Variants in DOC2A observed in about 807,000 individuals in gnomAD.
DOC2A encodes double C2-like domain-containing protein alpha.
A neutral mutation model predicts 40.6 loss-of-function variants in DOC2A; 28 were observed. The observed-to-expected ratio is 0.69, with a 90% CI of 0.51 to 0.95. The LOEUF is 0.95. Ranked by LOEUF, DOC2A falls within the 40% of genes least tolerant of loss-of-function variation. The pLI, the probability that DOC2A is intolerant of heterozygous loss-of-function variation, is 0.00. For synonymous variants in DOC2A, 241 were observed against 236.9 expected, an observed-to-expected ratio of 1.02 and a Z score of -0.16; for missense variants, 474 against 552.5, an observed-to-expected ratio of 0.86 and a Z score of 1.42.
At chr16:30,022,753 T>C (rs1157967634), upstream of DOC2A, among the ~76,000 whole-genome samples, 1 of 152,110 alleles carries the variant, frequency 6.6e-6, no homozygotes, top group Non-Finnish European at 1.5e-5. Flanking sequence ...CTGACCAACA[T>C]AGTGAAACCC....
At chr16:30,016,048 TATATA>T (rs1337323810), upstream of DOC2A, among the ~76,000 whole-genome samples, 421 of 26,588 alleles carry the variant, frequency 0.016, 1 homozygote, top group Non-Finnish European at 0.025. Flanking sequence ...TATATATATA[TATATA>T]TATTTTTTTT....
At position 30,009,665 on chromosome 16, in the gene DOC2A, G is replaced by C; in HGVS notation, c.263-108C>G. The C allele has an allele frequency of 1.8e-6, 2 of 1,107,438 alleles. No homozygotes were observed. The highest frequency in any genetic ancestry group is 2.7e-6 in the Non-Finnish European group (2 of 754,054). The allele number at this position is 1,107,438 out of a possible 1,614,324, so 68.6% of individuals were successfully genotyped here. ...GTCTCTCTCTCTTGCCAGCCCGCGA[G>C]TGTGAGTGCAAGAGGCTGAGTGGGC... is the stretch of plus-strand genomic sequence containing the variant. On this transcript the variant is annotated intron_variant, in intron 2 of 10. Coordinates refer to ENST00000350119, the MANE Select transcript of DOC2A (RefSeq NM_003586.3). The surrounding 1 kb of genome is among the most constrained non-coding windows in gnomAD (Gnocchi z 4.1).
chr16:30,013,883 G>A (rs1202236222), upstream of DOC2A, among the ~76,000 whole-genome samples: 1 of 151,974 alleles, frequency 6.6e-6, no homozygotes, highest in Non-Finnish European at 1.5e-5. Context: ...ACTTGGCTAA[G>A]TTTTTGTATT....
At chr16:30,015,947 A>G (rs2070849377), upstream of DOC2A, among the ~76,000 whole-genome samples, 1 of 140,506 alleles carries the variant, frequency 7.1e-6, no homozygotes, top group South Asian at 2.2e-4. Flanking sequence ...CCTGGCCTCA[A>G]GCCATCCTCC....
chr16:30,016,066 T>A (rs1215211426), upstream of DOC2A, among the ~76,000 whole-genome samples: 1 of 114,216 alleles, frequency 8.8e-6, no homozygotes, highest in Non-Finnish European at 1.7e-5. Flanking sequence ...TTTTTTTTTT[T>A]TTTTTTTTTT....
At chr16:30,016,037 ATATATATATATATATATATTTTTT>A (rs1218341890), upstream of DOC2A, among the ~76,000 whole-genome samples, 4 of 31,486 alleles carry the variant, frequency 1.3e-4, no homozygotes, top group African/African-American at 4.3e-4. Flanking sequence ...ATATATATAT[ATATATATATATATATATATTTTTT>A]TTTTTTTTTT....
In DOC2A at chr16:30,005,988, G is replaced by T; in HGVS notation, c.*198C>A. ...TTTGCATATTTGCAGGGACTAGCGA[G>T]TCAGGCAGGAGGTTTGCATATGTGA... On this transcript the variant is annotated 3_prime_UTR_variant, in exon 11 of 11. Coordinates refer to ENST00000350119, the MANE Select transcript of DOC2A (RefSeq NM_003586.3). 1 of 646,520 alleles carries T rather than the reference G, an allele frequency of 1.5e-6. No homozygotes were observed. Among genetic ancestry groups the T allele is most frequent in the Non-Finnish European group, 2.6e-6 (1 of 380,972 alleles). The allele number at this position is 646,520 out of a possible 1,614,324, so 40.0% of individuals were successfully genotyped here.
chr16:30,019,767 G>C (rs1019197652), intron 1 of DOC2A, among the ~76,000 whole-genome samples: 4 of 152,050 alleles, frequency 2.6e-5, no homozygotes, highest in Non-Finnish European at 5.9e-5. Flanking sequence ...ACAGAGTCTC[G>C]AGTGTCACCC....
Position 30,010,571 on chromosome 16 carries a change from C to T in DOC2A, c.-14+332G>A. 2.6e-6 allele frequency: 1 copy of T among 379,998 alleles called. No individual in the cohort carries two copies. Among genetic ancestry groups the T allele is most frequent in the South Asian group, 2.5e-5 (1 of 39,814 alleles). 23.5% of individuals were successfully genotyped at this position (379,998 alleles called of 1,614,324 possible). A position where few individuals can be genotyped will look rare whatever the true frequency, so the allele number is the denominator to read the frequency against. ...CCTCTGCTCCTGAGCCTGCCTGTCC[C>T]CCAAGGGGCCCTGCAGGGCCCCGCC... On this transcript the variant is annotated intron_variant, in intron 1 of 10. Transcript: ENST00000350119. This position sits in a 1 kb window ranked among gnomAD's most constrained non-coding sequence, Gnocchi z 4.2.
At position 30,010,200 on chromosome 16, in the gene DOC2A, C is replaced by T. The variant is rs771071631; in HGVS notation, c.23G>A (p.Arg8His). Residue 8 changes from arginine to histidine, a missense_variant, in exon 2 of 11, where the codon CGC becomes CAC. Physicochemically the swap from Arg to His is conservative, Grantham distance 29. Transcript: ENST00000350119. The surrounding 1 kb of genome is among the most constrained non-coding windows in gnomAD (Gnocchi z 4.2). ...GTGCTCCTGGATGTTGATGGTCATG[C>T]GATCGCCCCTGCGGCCCCTCATGCA... MRGRRGD[R>H]MTINIQEHMA... 69 of 1,613,818 alleles carry T rather than the reference C, an allele frequency of 4.3e-5. No individual in the cohort carries two copies. The highest frequency in any genetic ancestry group is 5.6e-5 in the Non-Finnish European group (66 of 1,179,970).
upstream of DOC2A, chr16:30,011,065 A>T: frequency 5.2e-6 from 5 of 956,892 alleles, no homozygotes; most frequent in Non-Finnish European, 6.2e-6. Context: ...GCGAGGATGC[A>T]GCCGGCGCGG....
At position 30,010,527 on chromosome 16, in the gene DOC2A, T is replaced by G; in HGVS notation, c.-13-292A>C. The G allele has an allele frequency of 2.1e-6, 1 of 476,928 alleles. No individual in the cohort carries two copies. The highest frequency in any genetic ancestry group is 3.9e-5 in the East Asian group (1 of 25,520). 29.5% of individuals were successfully genotyped at this position (476,928 alleles called of 1,614,324 possible). On this transcript the variant is annotated intron_variant, in intron 1 of 10. Coordinates refer to ENST00000350119, the MANE Select transcript of DOC2A (RefSeq NM_003586.3). The surrounding 1 kb of genome is among the most constrained non-coding windows in gnomAD (Gnocchi z 4.2). ...TCCCTGTATCATCTTGCCAGCTCCTTCCTCTCCTCCGGGGCTCCCCTCTGC... is the reference window on the plus strand; with the variant it reads ...TCCCTGTATCATCTTGCCAGCTCCTGCCTCTCCTCCGGGGCTCCCCTCTGC...
rs1417682646 is a variant in DOC2A, at chr16:30,007,071, A to G, written c.674T>C (p.Met225Thr). The G allele has an allele frequency of 1.9e-6, 3 of 1,613,710 alleles. No individual in the cohort carries two copies. The highest frequency in any genetic ancestry group is 1.1e-5 in the South Asian group (1 of 91,074). The change falls in exon 7 of 11, where the codon ATG (methionine) becomes ACG (threonine). Residue 225 changes from methionine to threonine, a missense_variant. By Grantham distance (81) the Met-to-Thr change is moderately conservative. Transcript: ENST00000350119. ...GGAGATGCCCCTCAGCGCCGCTGAC[A>G]TGGAAGAGGGGGACGCCAGCTGAGG... Reference protein sequence around the residue: ...RQVPLASPSSMSAALRGISCY... With the variant: ...RQVPLASPSSTSAALRGISCY...
chr16:30,005,714 G>C lies in DOC2A; in HGVS notation c.*472C>G, dbSNP rs1444708809. ...GCTGGGGAGGCAGAGACCCTGCAATGGCCACCTCTTTAAAAGGGCAGCTGT... is the reference window on the plus strand; with the variant it reads ...GCTGGGGAGGCAGAGACCCTGCAATCGCCACCTCTTTAAAAGGGCAGCTGT... On this transcript the variant is annotated 3_prime_UTR_variant, in exon 11 of 11. Coordinates refer to ENST00000350119, the MANE Select transcript of DOC2A (RefSeq NM_003586.3). 7 of 530,922 alleles carry C rather than the reference G, an allele frequency of 1.3e-5. No homozygotes were observed. Among genetic ancestry groups the C allele is most frequent in the Non-Finnish European group, 2.3e-5 (7 of 303,438 alleles). 32.9% of individuals were successfully genotyped at this position (530,922 alleles called of 1,614,324 possible).
At position 30,006,025 on chromosome 16, in the gene DOC2A, C is replaced by T. The variant is rs1196114782; in HGVS notation, c.*161G>A. 4 of 793,410 alleles carry T rather than the reference C, an allele frequency of 5.0e-6. No individual in the cohort carries two copies. Among genetic ancestry groups the T allele is most frequent in the Non-Finnish European group, 5.9e-6 (3 of 512,258 alleles). The allele number at this position is 793,410 out of a possible 1,614,324, so 49.1% of individuals were successfully genotyped here. On this transcript the variant is annotated 3_prime_UTR_variant, in exon 11 of 11. Coordinates refer to ENST00000350119, the MANE Select transcript of DOC2A (RefSeq NM_003586.3). This position sits in a 1 kb window ranked among gnomAD's most constrained non-coding sequence, Gnocchi z 6.2. ...GTTTGCATATGTGAATATAGAACTC[C>T]GCAGCCCCTCATGAGCAGACAGACC...
upstream of DOC2A, among the ~76,000 whole-genome samples, chr16:30,022,294 G>T (rs1203329158): frequency 6.7e-6 from 1 of 149,704 alleles, no homozygotes; most frequent in East Asian, 2.0e-4. Flanking sequence ...TGCCTCTGAG[G>T]GTCAGTGCAA....
In DOC2A at chr16:30,005,722, C is replaced by G. The variant is rs188366782; in HGVS notation, c.*464G>C. On this transcript the variant is annotated 3_prime_UTR_variant, in exon 11 of 11. Coordinates refer to ENST00000350119, the MANE Select transcript of DOC2A (RefSeq NM_003586.3). ...GGCAGAGACCCTGCAATGGCCACCT[C>G]TTTAAAAGGGCAGCTGTACAGGGCT... is the stretch of plus-strand genomic sequence containing the variant. 3.8e-6 allele frequency: 2 copies of G among 524,654 alleles called. No homozygotes were observed. The highest frequency in any genetic ancestry group is 3.9e-5 in the African/African-American group (2 of 50,828). The allele number at this position is 524,654 out of a possible 1,614,324, so 32.5% of individuals were successfully genotyped here. A position where few individuals can be genotyped will look rare whatever the true frequency, so the allele number is the denominator to read the frequency against.
At chr16:30,022,953 CCT>C (rs2070935613), upstream of DOC2A, 1 of 179,654 alleles carries the variant, frequency 5.6e-6, no homozygotes, top group South Asian at 1.3e-4. Context: ...AGACAGAGAC[CCT>C]GTCTCCAAAA....
rs755807204 is a variant in DOC2A, at chr16:30,010,032, G to GGGGGGGCCAGAGCCA, written c.176_190dup (p.Leu59_Pro63dup). 2 of 1,611,326 alleles carry GGGGGGGCCAGAGCCA rather than the reference G, an allele frequency of 1.2e-6. No individual in the cohort carries two copies. The highest frequency in any genetic ancestry group is 4.5e-5 in the East Asian group (2 of 44,862). The stretch of plus-strand genomic sequence containing the variant: ...CGTGGTGGCCCCAAGGAGGGCTGCA[G>GGGGGGGCCAGAGCCA]GGGGGGCCAGAGCCAGGGGGACCAG... On this transcript the variant is annotated inframe_insertion, in exon 2 of 11. Transcript: ENST00000350119. This position sits in a 1 kb window ranked among gnomAD's most constrained non-coding sequence, Gnocchi z 4.2.
Sources: gnomAD v4.1 joint callset for allele counts (sites outside exome capture counted in the v4.1 genomes callset) on GRCh38, gnomAD v4.1.1 for gene constraint, Gnocchi (gnomAD v3.1) non-coding constraint, MANE v1.5 for transcripts, NCBI Gene and HGNC (gene_info 2026-07-23, HGNC 2026-07-21) for gene names.